SLC29A3: variants seen among roughly 807,000 people sequenced by gnomAD.
The protein encoded by SLC29A3 is solute carrier family 29 member 3.
A neutral mutation model predicts 25.4 loss-of-function variants in SLC29A3; 18 were observed. The observed-to-expected ratio is 0.71, with a 90% CI of 0.49 to 1.05. The LOEUF (loss-of-function observed/expected upper bound fraction) is 1.05. Ranked by LOEUF, SLC29A3 falls within the 50% of genes least tolerant of loss-of-function variation. The pLI, the probability that SLC29A3 is intolerant of heterozygous loss-of-function variation, is 0.00. For missense variants in SLC29A3, 586 were observed against 609.0 expected (o/e 0.96, Z 0.40); for synonymous variants, 258 against 267.1 (o/e 0.97, Z 0.33).
chr10:71,336,594 G>A (rs1273857468), intron 2 of SLC29A3, among the ~76,000 whole-genome samples: 1 of 151,684 alleles, frequency 6.6e-6, no homozygotes, highest in African/African-American at 2.4e-5. Flanking sequence ...TTTACCCAAA[G>A]GGAGACCTAA....
chr10:71,323,974 G>T (rs1447970075), intron 2 of SLC29A3, among the ~76,000 whole-genome samples: 2 of 152,150 alleles, frequency 1.3e-5, no homozygotes, highest in Non-Finnish European at 2.9e-5. Context: ...TAGTTGACAG[G>T]GCTGCTCACT....
intron 1 of SLC29A3, among the ~76,000 whole-genome samples, chr10:71,322,412 G>A (rs1163117139): frequency 6.6e-6 from 1 of 152,170 alleles, no homozygotes; most frequent in Non-Finnish European, 1.5e-5. Flanking sequence ...CTTAGACCAG[G>A]TTTGCCTTTC....
chr10:71,327,340 C>A (rs1400539966), intron 2 of SLC29A3, among the ~76,000 whole-genome samples: 4 of 152,166 alleles, frequency 2.6e-5, no homozygotes, highest in African/African-American at 7.2e-5. Context: ...GGAATAAGAA[C>A]CTCCAATAAA....
chr10:71,335,677 A>G (rs1846230482), intron 2 of SLC29A3, among the ~76,000 whole-genome samples: 1 of 152,116 alleles, frequency 6.6e-6, no homozygotes, highest in Non-Finnish European at 1.5e-5. Flanking sequence ...GGGGCTGAGA[A>G]AAGGAGGATG....
chr10:71,344,078 A>G (rs1684802520), intron 2 of SLC29A3, 131 bp from the exon 3 acceptor site: 3 of 777,566 alleles, frequency 3.9e-6, no homozygotes, highest in Non-Finnish European at 6.8e-6. Flanking sequence ...AGGTGGGCTC[A>G]CCCACGGCTC....
At chr10:71,325,571 C>G (rs951490994) in intron 2 of SLC29A3, among the ~76,000 whole-genome samples, 1 of 152,222 alleles carries the variant, frequency 6.6e-6, no homozygotes, top group African/African-American at 2.4e-5. Flanking sequence ...CCCCCATGAT[C>G]TGACACCTGT....
chr10:71,325,965 G>A (rs1306333195), intron 2 of SLC29A3, among the ~76,000 whole-genome samples: 1 of 144,522 alleles, frequency 6.9e-6, no homozygotes, highest in Non-Finnish European at 1.5e-5. Context: ...CACCCAGGCT[G>A]GAGTGCAGTG....
chr10:71,339,289 C>T, intron 2 of SLC29A3, among the ~76,000 whole-genome samples: 1 of 152,238 alleles, frequency 6.6e-6, no homozygotes, highest in East Asian at 1.9e-4. Context: ...AGAGCTCCCA[C>T]TTCCCCACCT....
intron 2 of SLC29A3, among the ~76,000 whole-genome samples, chr10:71,343,869 A>T (rs1023227369): frequency 6.6e-6 from 1 of 152,180 alleles, no homozygotes. Flanking sequence ...TTCTTTTCAG[A>T]CATAACACTG....
At chr10:71,357,229 C>A (rs1352373499) in intron 5 of SLC29A3, among the ~76,000 whole-genome samples, 3 of 152,168 alleles carry the variant, frequency 2.0e-5, no homozygotes, top group African/African-American at 7.2e-5. Context: ...TCCTGGCTAA[C>A]ACAGTGAAAC....
rs1364217033 is a variant in SLC29A3 at position 71,362,025 on chromosome 10, G to A, written c.845G>A (p.Ser282Asn). ...GEEELPQDSLSAPSVASRFID... is the reference protein window; with the variant it reads ...GEEELPQDSLNAPSVASRFID... The stretch of plus-strand genomic sequence containing the variant: ...GAGGAGCTTCCCCAGGACTCCCTCA[G>A]TGCCCCTTCGGTGGCCTCCAGATTC... Residue 282 changes from serine (S) to asparagine (N), a missense_variant, in exon 6 of 6, where the codon AGT becomes AAT. Transcript: ENST00000373189. 3 of 1,614,116 alleles carry A rather than the reference G, an allele frequency of 1.9e-6. No homozygotes were observed. Among genetic ancestry groups the A allele is most frequent in the South Asian group, 2.2e-5 (2 of 91,084 alleles).
Position 71,362,731 on chromosome 10 carries a change from T to G in SLC29A3, c.*123T>G, listed in dbSNP as rs1847102246. The G allele has an allele frequency of 3.1e-6, 4 of 1,304,856 alleles. No individual in the cohort carries two copies. The allele number at this position is 1,304,856 out of a possible 1,614,324, so 80.8% of individuals were successfully genotyped here. ...CTTGGGGACAGAGAGCAGAGCACACTCGGGCCTCATCCCTCCCAAGATGCC... is the reference window on the plus strand; with the variant it reads ...CTTGGGGACAGAGAGCAGAGCACACGCGGGCCTCATCCCTCCCAAGATGCC... On this transcript the variant is annotated 3_prime_UTR_variant, in exon 6 of 6. Coordinates refer to ENST00000373189, the MANE Select transcript of SLC29A3 (RefSeq NM_018344.6).
At chr10:71,371,915 C>A (rs780697) in intron 3 of SLC29A3, among the ~76,000 whole-genome samples, 77,844 of 152,100 alleles carry the variant, frequency 0.51, 20,699 homozygotes, top group Middle Eastern at 0.63. Context: ...TAGCCCAGTT[C>A]CAGAGCTCTG....
rs558219731 is a variant in SLC29A3, at chr10:71,362,046, G to T, written c.866G>T (p.Arg289Ile). ...DSLSAPSVAS[R>I]FIDSHTPPLR... is the part of the protein sequence containing the mutation. ...CTCAGTGCCCCTTCGGTGGCCTCCA[G>T]ATTCATTGATTCCCACACACCCCCT... The change falls in exon 6 of 6, where the codon AGA (arginine) becomes ATA (isoleucine). Residue 289 changes from arginine to isoleucine, a missense_variant. Physicochemically the swap from Arg to Ile is moderately conservative, Grantham distance 97. Coordinates refer to ENST00000373189, the MANE Select transcript of SLC29A3 (RefSeq NM_018344.6). 7 of 1,614,128 alleles carry T rather than the reference G, an allele frequency of 4.3e-6. No homozygotes were observed. In the South Asian group the frequency reaches 5.5e-5, roughly 13 times the overall value.
chr10:71,361,877 C>T, intron 5 of SLC29A3, 77 bp from the exon 6 acceptor site: 1 of 1,571,292 alleles, frequency 6.4e-7, no homozygotes, highest in Non-Finnish European at 8.7e-7. Context: ...AGGTTCTGTT[C>T]TGAGTGCCCA....
intron 3 of SLC29A3, among the ~76,000 whole-genome samples, chr10:71,345,868 C>A (rs2131830592): frequency 6.6e-6 from 1 of 152,322 alleles, no homozygotes; most frequent in Middle Eastern, 3.4e-3. Context: ...GTGGGGGGAG[C>A]CCTTGGCTCA....
intron 3 of SLC29A3, among the ~76,000 whole-genome samples, chr10:71,375,229 G>A (rs1194574810): frequency 1.3e-5 from 2 of 152,138 alleles, no homozygotes; most frequent in Non-Finnish European, 2.9e-5. Context: ...GAGCACTGAA[G>A]GCTCCAAGGA....
intron 4 of SLC29A3, among the ~76,000 whole-genome samples, chr10:71,376,877 C>T (rs1445274091): frequency 6.6e-6 from 1 of 152,158 alleles, no homozygotes; most frequent in African/African-American, 2.4e-5. Context: ...GATTCTCCTG[C>T]CTCTGCCTCT....
At chr10:71,363,526 C>T (rs559880244), downstream of SLC29A3, 30 of 360,168 alleles carry the variant, frequency 8.3e-5, no homozygotes, top group Admixed American at 6.3e-4. Context: ...TGCAGTGGCT[C>T]GATCATAGCT....
Sources: allele counts gnomAD v4.1 joint callset (sites outside exome capture counted in the v4.1 genomes callset), GRCh38; gene constraint gnomAD v4.1.1; transcripts MANE v1.5; gene names NCBI Gene and HGNC (gene_info 2026-07-23, HGNC 2026-07-21).